The following RABEPK variants were observed in gnomAD, a reference collection of about 807,000 sequenced individuals.
RABEPK encodes Rab9 effector protein with kelch motifs.
A neutral mutation model predicts 34.1 loss-of-function variants in RABEPK; 27 were observed. That is an observed-to-expected ratio of 0.79 (90% CI 0.58 to 1.09). The LOEUF (loss-of-function observed/expected upper bound fraction) is 1.09, where lower values mean the gene tolerates loss of function less well. Ranked by LOEUF, RABEPK falls within the 50% of genes least tolerant of loss-of-function variation. The pLI is 0.00. For missense variants in RABEPK, 449 were observed against 462.6 expected (o/e 0.97, Z 0.27); for synonymous variants, 172 against 169.2 (o/e 1.02, Z -0.13).
chr9:125,200,985 G>A, intron 1 of RABEPK, 79 bp downstream of exon 1: 1 of 386,282 alleles, frequency 2.6e-6, no homozygotes, highest in Non-Finnish European at 5.3e-6. Flanking sequence ...CTCCATGCCA[G>A]GTCCATTGGT....
intron 3 of RABEPK, among the ~76,000 whole-genome samples, chr9:125,209,313 C>G (rs1004490036): frequency 6.6e-6 from 1 of 151,692 alleles, no homozygotes; most frequent in Non-Finnish European, 1.5e-5. Context: ...CCCGCCTCAT[C>G]CTCCCAAAGT....
intron 6 of RABEPK, among the ~76,000 whole-genome samples, chr9:125,230,089 G>A (rs764326400): frequency 1.1e-4 from 16 of 151,988 alleles, no homozygotes; most frequent in Non-Finnish European, 1.8e-4. Context: ...TCAGCCTCCC[G>A]GGTAGCTGGG....
In RABEPK at chr9:125,230,827, G is replaced by A. The variant is rs547041276; in HGVS notation, c.677-1769G>A. Among the ~76,000 whole-genome samples the A allele has an allele frequency of 1.1e-4, 16 of 151,666 alleles. 1 individual carries two copies. The South Asian group carries it at 3.3e-3, about 32-fold the overall frequency. On this transcript the variant is annotated intron_variant, in intron 6 of 7. Coordinates refer to ENST00000373538, the MANE Select transcript of RABEPK (RefSeq NM_005833.4). ...TGGGATTACAGGTGTGAGCCACTGC[G>A]CCCGGCCGACAGATGGAAACTATTT...
chr9:125,224,613 T>C (rs1327605406), intron 5 of RABEPK, among the ~76,000 whole-genome samples: 1 of 151,962 alleles, frequency 6.6e-6, no homozygotes, highest in Non-Finnish European at 1.5e-5. Context: ...CCACCACGCC[T>C]GGCTAATTTT....
chr9:125,228,083 C>T lies in RABEPK; in HGVS notation c.676+24C>T, dbSNP rs931911208. The T allele has an allele frequency of 5.0e-6, 7 of 1,411,396 alleles. No homozygotes were observed. In the African/African-American group the frequency reaches 8.9e-5, roughly 18 times the overall value. The allele number at this position is 1,411,396 out of a possible 1,614,324, so 87.4% of individuals were successfully genotyped here. A position where few individuals can be genotyped will look rare whatever the true frequency, so the allele number is the denominator to read the frequency against. ...AAGTAAGCAGGGCATGGGGGCTTGT[C>T]TGTTTAAAATTGTTATTTTTATTTA... is the stretch of plus-strand genomic sequence containing the variant. On this transcript the variant is annotated intron_variant, in intron 6 of 7. Transcript: ENST00000373538.
chr9:125,223,683 C>G (rs1459703254), intron 5 of RABEPK, among the ~76,000 whole-genome samples: 2 of 147,016 alleles, frequency 1.4e-5, no homozygotes, highest in Non-Finnish European at 3.0e-5. Context: ...CATAATTGCA[C>G]CACTGCACTC....
At chr9:125,206,273 C>CA (rs896282019) in intron 2 of RABEPK, among the ~76,000 whole-genome samples, 72 of 152,170 alleles carry the variant, frequency 4.7e-4, no homozygotes, top group African/African-American at 1.7e-3. Context: ...GAGACCAGGG[C>CA]AGAAGGATTG....
intron 6 of RABEPK, among the ~76,000 whole-genome samples, chr9:125,229,834 G>A (rs1832047249): frequency 1.3e-5 from 2 of 152,246 alleles, no homozygotes; most frequent in East Asian, 1.9e-4. Flanking sequence ...CTGATATGCT[G>A]TGGAGAGACC....
At chr9:125,227,799 C>T in intron 5 of RABEPK, 111 bp from the exon 6 acceptor site, 1 of 1,032,736 alleles carries the variant, frequency 9.7e-7, no homozygotes, top group South Asian at 2.3e-5. Context: ...AGGGTTGCTT[C>T]CTGCATGGGA....
chr9:125,202,895 T>C, intron 1 of RABEPK, 113 bp from the exon 2 acceptor site: 1 of 543,490 alleles, frequency 1.8e-6, no homozygotes, highest in South Asian at 3.6e-5. Flanking sequence ...CTTATTCAAA[T>C]CAATCAGGCC....
At chr9:125,210,706 C>CAAAA (rs35140834) in intron 3 of RABEPK, among the ~76,000 whole-genome samples, 1 of 83,256 alleles carries the variant, frequency 1.2e-5, no homozygotes, top group Non-Finnish European at 2.3e-5. Flanking sequence ...GACTCCGTCT[C>CAAAA]AAAAAAAAAA....
At chr9:125,205,828 A>C (rs992612173) in intron 2 of RABEPK, among the ~76,000 whole-genome samples, 1 of 152,174 alleles carries the variant, frequency 6.6e-6, no homozygotes, top group Non-Finnish European at 1.5e-5. Context: ...ATCAGAATAG[A>C]GCTCTGAATG....
At chr9:125,220,825 A>T in intron 5 of RABEPK, 125 bp downstream of exon 5, 1 of 1,238,106 alleles carries the variant, frequency 8.1e-7, no homozygotes, top group Non-Finnish European at 1.1e-6. Flanking sequence ...CTTCTTTGTT[A>T]TATCTCTTAG....
At chr9:125,214,824 C>G (rs1237185808) in intron 4 of RABEPK, among the ~76,000 whole-genome samples, 1 of 135,828 alleles carries the variant, frequency 7.4e-6, no homozygotes, top group Non-Finnish European at 1.5e-5. Context: ...GAGTTTCACT[C>G]TTGTTGCACA....
intron 3 of RABEPK, among the ~76,000 whole-genome samples, chr9:125,209,003 C>A (rs1830419321): frequency 6.6e-6 from 1 of 151,430 alleles, no homozygotes. Flanking sequence ...CGAATATCAT[C>A]TAAAATACAA....
Position 125,234,132 on chromosome 9 carries a change from G to A in RABEPK, c.*152G>A. ...AAACTAATGCAAATAATTCTTATGT[G>A]CACTAAACCTTGCTATATTGCCTCT... On this transcript the variant is annotated 3_prime_UTR_variant, in exon 8 of 8. Coordinates refer to ENST00000373538, the MANE Select transcript of RABEPK (RefSeq NM_005833.4). 1.2e-6 allele frequency: 1 copy of A among 806,192 alleles called. No homozygotes were observed. The allele number at this position is 806,192 out of a possible 1,614,324, so 49.9% of individuals were successfully genotyped here. A position where few individuals can be genotyped will look rare whatever the true frequency, so the allele number is the denominator to read the frequency against.
chr9:125,201,161 A>C (rs1417389994), intron 1 of RABEPK, among the ~76,000 whole-genome samples: 4 of 152,210 alleles, frequency 2.6e-5, no homozygotes, highest in Admixed American at 1.3e-4. Flanking sequence ...GAAGGAAGTA[A>C]CTTGGATGTG....
intron 7 of RABEPK, among the ~76,000 whole-genome samples, chr9:125,232,968 C>T (rs1307742968): frequency 1.3e-5 from 2 of 150,528 alleles, no homozygotes; most frequent in Non-Finnish European, 1.5e-5. Context: ...CCCAGCTACT[C>T]GGGAGGCTGA....
At position 125,207,428 on chromosome 9, in the gene RABEPK, G is replaced by A; in HGVS notation, c.54-136G>A. ...AGGTACTATTATTAATCAGAGAAGT[G>A]CTGCTTTATTGGGTACAATTTAAAG... On this transcript the variant is annotated intron_variant, in intron 2 of 7. Transcript: ENST00000373538. The A allele has an allele frequency of 8.8e-6, 8 of 908,698 alleles. No individual in the cohort carries two copies. The South Asian group carries it at 1.3e-4, about 15-fold the overall frequency. The allele number at this position is 908,698 out of a possible 1,614,324, so 56.3% of individuals were successfully genotyped here.
Sources: gnomAD v4.1 joint callset for allele counts (sites outside exome capture counted in the v4.1 genomes callset) on GRCh38, gnomAD v4.1.1 for gene constraint, MANE v1.5 for transcripts, NCBI Gene and HGNC (gene_info 2026-07-23, HGNC 2026-07-21) for gene names.